The following RIOK2 variants were observed in gnomAD, a reference collection of about 807,000 sequenced individuals.
RIOK2 encodes serine/threonine-protein kinase RIO2.
Under a neutral mutation model 62.4 loss-of-function variants are expected in RIOK2, and 46 were observed. The ratio of observed to expected loss-of-function variants is 0.74; its 90% CI spans 0.58 to 0.94. The LOEUF (loss-of-function observed/expected upper bound fraction) is 0.94. Among genes scored for constraint, RIOK2 ranks in the 40% least tolerant of loss-of-function variants. The pLI, the probability that RIOK2 is intolerant of heterozygous loss-of-function variation, is 0.00. For synonymous variants in RIOK2, 197 were observed against 216.0 expected, an observed-to-expected ratio of 0.91 and a Z score of 0.77; for missense variants, 574 against 658.0, an observed-to-expected ratio of 0.87 and a Z score of 1.40.
chr5:97,167,645 C>A lies in RIOK2; in HGVS notation c.1219G>T (p.Val407Phe). Residue 407 changes from valine (V) to phenylalanine (F), a missense_variant, in exon 8 of 10, where the codon GTT (valine) becomes TTT (phenylalanine). By Grantham distance (50) the Val-to-Phe change is conservative. Coordinates refer to ENST00000283109, the MANE Select transcript of RIOK2 (RefSeq NM_018343.3). The stretch of plus-strand genomic sequence containing the variant: ...TCAGTTACAGAGTTGTTTTCAACAA[C>A]CTGCCCTTTTATTTCTTCTAAAGCT... Reference protein sequence around the residue: ...NQALEEIKGQVVENNSVTEFS... With the variant: ...NQALEEIKGQFVENNSVTEFS... The A allele has an allele frequency of 6.2e-7, 1 of 1,614,192 alleles. No individual in the cohort carries two copies.
In RIOK2 at chr5:97,177,112, A is replaced by C; in HGVS notation, c.498+4T>G. 6.2e-7 allele frequency: 1 copy of C among 1,605,858 alleles called. No homozygotes were observed. Among genetic ancestry groups the C allele is most frequent in the Non-Finnish European group, 8.5e-7 (1 of 1,176,816 alleles). ...AATGCATGACTACAAAATAAAATAA[A>C]TACCTTCATATAGGCAAATTCCTTC... On this transcript the variant is annotated splice_donor_region_variant and intron_variant, in intron 4 of 9. Transcript: ENST00000283109.
chr5:97,177,882 C>T (rs1749214780), intron 2 of RIOK2, 34 bp from the exon 3 acceptor site: 1 of 1,334,342 alleles, frequency 7.5e-7, no homozygotes, highest in Non-Finnish European at 1.1e-6. Flanking sequence ...GACCATATTT[C>T]AGTTACATTG....
chr5:97,180,142 G>GTGTA (rs1554083621), intron 1 of RIOK2, among the ~76,000 whole-genome samples: 9 of 96,056 alleles, frequency 9.4e-5, no homozygotes, highest in African/African-American at 3.3e-4. Context: ...ATATATATAT[G>GTGTA]TATATATATA....
rs1324528114 is a variant in RIOK2, at chr5:97,167,454, C to T, written c.1397+13G>A. On this transcript the variant is annotated intron_variant, in intron 8 of 9. Coordinates refer to ENST00000283109, the MANE Select transcript of RIOK2 (RefSeq NM_018343.3). Reference sequence around the variant, plus strand: ...AAGACTAAAGTTAAAAAGCAATCGACAGAAGTCTATACCTGAAAGGCCTGA... The same window carrying T: ...AAGACTAAAGTTAAAAAGCAATCGATAGAAGTCTATACCTGAAAGGCCTGA... The T allele has an allele frequency of 1.2e-6, 2 of 1,607,006 alleles. No individual in the cohort carries two copies. Among genetic ancestry groups the T allele is most frequent in the Non-Finnish European group, 1.7e-6 (2 of 1,176,738 alleles).
intron 2 of RIOK2, 48 bp from the exon 3 acceptor site, chr5:97,177,896 A>C (rs1278245496): frequency 8.5e-7 from 1 of 1,172,724 alleles, no homozygotes; most frequent in African/African-American, 1.5e-5. Context: ...TACATTGTAC[A>C]ACCAAGTCAC....
At position 97,180,500 on chromosome 5, in the gene RIOK2, TG is replaced by T. The variant is rs1749376844; in HGVS notation, c.67-1308del. On this transcript the variant is annotated intron_variant, in intron 1 of 9. Coordinates refer to ENST00000283109, the MANE Select transcript of RIOK2 (RefSeq NM_018343.3). ...CATATAGAATTCATGCAAACGCGGCTGGAAGATACTTCTAGGATAGAGAAGG... is the reference window on the plus strand; with the variant it reads ...CATATAGAATTCATGCAAACGCGGCTGAAGATACTTCTAGGATAGAGAAGG... 2.0e-5 allele frequency among the ~76,000 whole-genome samples: 3 copies of T among 152,064 alleles called. No individual in the cohort carries two copies. The South Asian group carries it at 6.2e-4, about 32-fold the overall frequency.
intron 4 of RIOK2, among the ~76,000 whole-genome samples, chr5:97,173,671 T>C (rs2112837045): frequency 6.6e-6 from 1 of 152,302 alleles, no homozygotes; most frequent in Non-Finnish European, 1.5e-5. Flanking sequence ...AATATTTAAA[T>C]TGGAAACAAA....
At chr5:97,177,325 C>T in intron 3 of RIOK2, 34 bp from the exon 4 acceptor site, 1 of 1,528,232 alleles carries the variant, frequency 6.5e-7, no homozygotes, top group East Asian at 2.3e-5. Flanking sequence ...ACCATTATTA[C>T]ACGTTTATTC....
At chr5:97,183,041 G>A (rs1253036674) in intron 1 of RIOK2, 85 bp downstream of exon 1, 1 of 1,422,906 alleles carries the variant, frequency 7.0e-7, no homozygotes. Flanking sequence ...GAGTGTGCCT[G>A]CTCAGATCCC....
chr5:97,177,625 T>C, intron 3 of RIOK2, 107 bp downstream of exon 3: 2 of 728,098 alleles, frequency 2.7e-6, no homozygotes, highest in South Asian at 3.9e-5. Flanking sequence ...ACTTTCCAAC[T>C]TACTGTTTAG....
At chr5:97,180,034 A>ATC in intron 1 of RIOK2, among the ~76,000 whole-genome samples, 1 of 75,604 alleles carries the variant, frequency 1.3e-5, no homozygotes, top group African/African-American at 4.9e-5. Flanking sequence ...TATAATATAT[A>ATC]TATTATATAT....
Position 97,162,781 on chromosome 5 carries a change from C to A in RIOK2, c.*280G>T, listed in dbSNP as rs558145203. 3.2e-6 allele frequency: 1 copy of A among 314,254 alleles called. No homozygotes were observed. Among genetic ancestry groups the A allele is most frequent in the Non-Finnish European group, 5.8e-6 (1 of 171,880 alleles). The allele number at this position is 314,254 out of a possible 1,614,324, so 19.5% of individuals were successfully genotyped here. A position where few individuals can be genotyped will look rare whatever the true frequency, so the allele number is the denominator to read the frequency against. ...ATTGTAGCATATCATCCTCAACAAA[C>A]AGAAAACAACAAAAATGTTATTTAG... On this transcript the variant is annotated 3_prime_UTR_variant, in exon 10 of 10. Coordinates refer to ENST00000283109, the MANE Select transcript of RIOK2 (RefSeq NM_018343.3).
Position 97,167,943 on chromosome 5 carries a change from C to G in RIOK2, c.921G>C (p.Lys307Asn). Residue 307 changes from lysine (K) to asparagine (N), a missense_variant, in exon 8 of 10, where the codon AAG becomes AAC. Lys to Asn is a moderately conservative substitution (Grantham distance 94, BLOSUM62 0). Coordinates refer to ENST00000283109, the MANE Select transcript of RIOK2 (RefSeq NM_018343.3). ...DVEVSASGYT[K>N]EMQADDELLH... ...GCAGTTCATCATCTGCCTGCATTTC[C>G]TTTGTGTAGCCACTGGCAGAAACCT... 1.2e-6 allele frequency: 2 copies of G among 1,606,690 alleles called. No homozygotes were observed. The highest frequency in any genetic ancestry group is 1.7e-6 in the Non-Finnish European group (2 of 1,179,868).
intron 6 of RIOK2, among the ~76,000 whole-genome samples, chr5:97,169,681 C>T (rs955275397): frequency 5.9e-5 from 9 of 152,340 alleles, no homozygotes; most frequent in African/African-American, 1.4e-4. Flanking sequence ...ATGTTTACAT[C>T]TCCCTACGAG....
In RIOK2 at chr5:97,161,754, A is replaced by G. The variant is rs561684110; in HGVS notation, c.*1307T>C. 3 of 152,320 alleles carry G rather than the reference A, an allele frequency of 2.0e-5. No individual in the cohort carries two copies. In the East Asian group the frequency reaches 5.8e-4, roughly 29 times the overall value. 9.4% of individuals were successfully genotyped at this position (152,320 alleles called of 1,614,324 possible). ...CCAATTTGCTTTCATAGCTCTGAATATAAGAAAATGACTCCAAAATAAACA... is the reference window on the plus strand; with the variant it reads ...CCAATTTGCTTTCATAGCTCTGAATGTAAGAAAATGACTCCAAAATAAACA... On this transcript the variant is annotated 3_prime_UTR_variant, in exon 10 of 10. Transcript: ENST00000283109.
At position 97,173,180 on chromosome 5, in the gene RIOK2, A is replaced by G. The variant is rs1423128534; in HGVS notation, c.582T>C (p.Tyr194=). The G allele has an allele frequency of 6.2e-7, 1 of 1,603,354 alleles. No individual in the cohort carries two copies. The highest frequency in any genetic ancestry group is 2.2e-5 in the East Asian group (1 of 44,698). ...HAVVMELING[Y]PLCQIHHVED... is the part of the protein sequence containing the mutation. ...TAAGAATAATGAATACTTACAGTGGATAACCATTTATGAGTTCCATGACCA... is the reference window on the plus strand; with the variant it reads ...TAAGAATAATGAATACTTACAGTGGGTAACCATTTATGAGTTCCATGACCA... The change falls in exon 5 of 10, where the codon TAT becomes TAC. Residue 194 remains tyrosine (Y), a synonymous_variant. Transcript: ENST00000283109.
At chr5:97,176,902 C>G (rs1193701180) in intron 4 of RIOK2, 2 of 480,948 alleles carry the variant, frequency 4.2e-6, no homozygotes, top group African/African-American at 3.9e-5. Context: ...TGCCCTTATG[C>G]ATTAGTAACA....
At chr5:97,175,094 T>C (rs1749129621) in intron 4 of RIOK2, among the ~76,000 whole-genome samples, 1 of 143,490 alleles carries the variant, frequency 7.0e-6, no homozygotes, top group African/African-American at 2.6e-5. Context: ...AAATAAAAGG[T>C]TCTGTTTCAT....
chr5:97,163,363 T>C (rs1021460277), intron 9 of RIOK2, 138 bp from the exon 10 acceptor site: 2 of 711,200 alleles, frequency 2.8e-6, no homozygotes, highest in Non-Finnish European at 2.3e-6. Flanking sequence ...GAAACTGTTA[T>C]ATAGGAGAAA....
Sources: gnomAD v4.1 joint callset for allele counts (sites outside exome capture counted in the v4.1 genomes callset) on GRCh38, gnomAD v4.1.1 for gene constraint, MANE v1.5 for transcripts, NCBI Gene and HGNC (gene_info 2026-07-23, HGNC 2026-07-21) for gene names.